FAM178B: variants seen among roughly 807,000 people sequenced by gnomAD.
The protein encoded by FAM178B is family with sequence similarity 178 member B, also known as protein FAM178B.
Under a neutral mutation model 91.7 loss-of-function variants are expected in FAM178B, and 82 were observed. That is an observed-to-expected ratio of 0.89 (90% CI 0.75 to 1.07). FAM178B has a LOEUF of 1.07. Ranked by LOEUF, FAM178B falls within the 50% of genes least tolerant of loss-of-function variation. The probability of loss-of-function intolerance (pLI) is 0.00; values close to 1 mark genes in which losing one functional copy is unlikely to be tolerated. For missense variants in FAM178B, 769 were observed against 846.7 expected, an observed-to-expected ratio of 0.91 and a Z score of 1.14; for synonymous variants, 368 against 359.4, an observed-to-expected ratio of 1.02 and a Z score of -0.27.
intron 4 of FAM178B, 67 bp from the exon 5 acceptor site, chr2:96,967,694 G>T: frequency 8.7e-7 from 1 of 1,143,394 alleles, no homozygotes; most frequent in Non-Finnish European, 1.3e-6. Flanking sequence ...CTGTCACTGG[G>T]CTGCAGGTGT....
At chr2:96,895,283 C>T in intron 13 of FAM178B, 1 of 385,884 alleles carries the variant, frequency 2.6e-6, no homozygotes, top group East Asian at 7.7e-5. Flanking sequence ...TTATCATCAT[C>T]CAACACCTGT....
chr2:96,952,219 G>A (rs898333586), intron 6 of FAM178B, among the ~76,000 whole-genome samples: 1 of 152,240 alleles, frequency 6.6e-6, no homozygotes, highest in Admixed American at 6.5e-5. Flanking sequence ...TGGTTACACA[G>A]GGCGTTTCTG....
chr2:96,883,937 A>G (rs914710252), intron 14 of FAM178B, among the ~76,000 whole-genome samples: 4 of 152,094 alleles, frequency 2.6e-5, no homozygotes, highest in Non-Finnish European at 5.9e-5. Flanking sequence ...TGGTATCATC[A>G]TTGCCACACA....
At chr2:96,941,895 T>TA (rs140191581) in intron 8 of FAM178B, among the ~76,000 whole-genome samples, 40 of 152,350 alleles carry the variant, frequency 2.6e-4, no homozygotes, top group African/African-American at 9.6e-4. Context: ...CCAGCTCAGC[T>TA]AAAACATTTT....
At chr2:96,879,710 C>T (rs1397982840) in intron 14 of FAM178B, among the ~76,000 whole-genome samples, 1 of 152,254 alleles carries the variant, frequency 6.6e-6, no homozygotes, top group Non-Finnish European at 1.5e-5. Context: ...GGTGGCCTTG[C>T]ACACGGCAGG....
chr2:96,967,221 G>A (rs1014381555), intron 5 of FAM178B, among the ~76,000 whole-genome samples: 4 of 79,812 alleles, frequency 5.0e-5, no homozygotes, highest in African/African-American at 2.0e-4. Context: ...GTGGTTTTGT[G>A]TAGTTATTTT....
chr2:96,877,638 G>T, intron 16 of FAM178B: 2 of 470,310 alleles, frequency 4.3e-6, no homozygotes, highest in Non-Finnish European at 7.8e-6. Context: ...CTTGTGATCC[G>T]CCCGCCTCAG....
intron 1 of FAM178B, 122 bp downstream of exon 1, chr2:96,986,119 G>T (rs1411288702): frequency 1.4e-6 from 2 of 1,475,130 alleles, no homozygotes; most frequent in Non-Finnish European, 1.8e-6. Flanking sequence ...CGCCAGAGTA[G>T]CCCGGCGGCC....
At chr2:96,983,911 C>T (rs1353045691) in intron 1 of FAM178B, among the ~76,000 whole-genome samples, 1 of 152,182 alleles carries the variant, frequency 6.6e-6, no homozygotes. Flanking sequence ...ACTTATTTAT[C>T]CATTCCGCTG....
At chr2:96,915,083 GTA>G (rs2081220082) in intron 12 of FAM178B, among the ~76,000 whole-genome samples, 1 of 151,670 alleles carries the variant, frequency 6.6e-6, no homozygotes, top group African/African-American at 2.4e-5. Context: ...CTCAACGTTT[GTA>G]TATGTCTTGA....
intron 14 of FAM178B, among the ~76,000 whole-genome samples, chr2:96,883,089 C>T (rs376353214): frequency 2.6e-5 from 4 of 152,186 alleles, no homozygotes; most frequent in Admixed American, 6.5e-5. Context: ...TCAAGGGGGC[C>T]GTGCCCTCCC....
chr2:96,927,061 G>A (rs574446978), intron 9 of FAM178B, among the ~76,000 whole-genome samples: 2 of 152,368 alleles, frequency 1.3e-5, no homozygotes, highest in South Asian at 2.1e-4. Context: ...AACACAGGGA[G>A]AAGATAGCCT....
At chr2:96,963,030 T>C (rs1400901046) in intron 5 of FAM178B, among the ~76,000 whole-genome samples, 1 of 152,192 alleles carries the variant, frequency 6.6e-6, no homozygotes, top group Non-Finnish European at 1.5e-5. Context: ...GTGGCTGCTG[T>C]CAAAGAGGCT....
chr2:96,943,472 G>T lies in FAM178B; in HGVS notation c.1078+4346C>A, dbSNP rs73959421. 1.7e-3 allele frequency among the ~76,000 whole-genome samples: 254 copies of T among 152,254 alleles called. 4 individuals are homozygous for T. The highest frequency in any genetic ancestry group is 5.9e-3 in the African/African-American group (244 of 41,560). ...TGGCTGAATAGTATTCCATTTTATG[G>T]ATATAGCACATTTTAAGAGGTTTCT... On this transcript the variant is annotated intron_variant, in intron 8 of 16. Transcript: ENST00000490605.
chr2:96,893,127 C>T (rs1350045456), intron 14 of FAM178B, among the ~76,000 whole-genome samples: 2 of 152,168 alleles, frequency 1.3e-5, no homozygotes, highest in Admixed American at 6.5e-5. Flanking sequence ...ATCCAGCCTC[C>T]GAGTGAGTTT....
intron 6 of FAM178B, among the ~76,000 whole-genome samples, chr2:96,952,301 A>T (rs1416374367): frequency 6.6e-6 from 1 of 152,216 alleles, no homozygotes; most frequent in East Asian, 1.9e-4. Context: ...GGGGCCCGGG[A>T]TGAAGACATT....
At chr2:96,916,061 C>T (rs946247159) in intron 12 of FAM178B, among the ~76,000 whole-genome samples, 14 of 152,180 alleles carry the variant, frequency 9.2e-5, no homozygotes, top group Admixed American at 9.2e-4. Context: ...TGGTGGGGCA[C>T]TGAGGCAATT....
At chr2:96,931,895 A>G (rs2081546470) in intron 8 of FAM178B, among the ~76,000 whole-genome samples, 1 of 151,696 alleles carries the variant, frequency 6.6e-6, no homozygotes, top group South Asian at 2.1e-4. Flanking sequence ...CTTAACAAGT[A>G]AAGAGTGGTA....
Position 96,876,188 on chromosome 2 carries a change from G to T in FAM178B, c.*88C>A. The T allele has an allele frequency of 1.4e-6, 2 of 1,405,014 alleles. No homozygotes were observed. The highest frequency in any genetic ancestry group is 9.9e-7 in the Non-Finnish European group (1 of 1,013,156). 87.0% of individuals were successfully genotyped at this position (1,405,014 alleles called of 1,614,324 possible). A position where few individuals can be genotyped will look rare whatever the true frequency, so the allele number is the denominator to read the frequency against. ...GGCTGGTCAGCATGTGGCCTCCTCT[G>T]GCCTTGATGCTTCGCTTCCTCCAGT... On this transcript the variant is annotated 3_prime_UTR_variant, in exon 17 of 17. Coordinates refer to ENST00000490605, the MANE Select transcript of FAM178B (RefSeq NM_001122646.3).
Sources: gnomAD v4.1 joint callset for allele counts (sites outside exome capture counted in the v4.1 genomes callset) on GRCh38, gnomAD v4.1.1 for gene constraint, MANE v1.5 for transcripts, NCBI Gene and HGNC (gene_info 2026-07-23, HGNC 2026-07-21) for gene names.